CALN1: variants seen among roughly 807,000 people sequenced by gnomAD.
CALN1 encodes the protein calneuron 1.
CALN1 carries 17 observed loss-of-function variants against 30.6 expected under a neutral mutation model. That is an observed-to-expected ratio of 0.56 (90% CI 0.38 to 0.83). The LOEUF (loss-of-function observed/expected upper bound fraction) is 0.83, where lower values mean the gene tolerates loss of function less well. Among genes scored for constraint, CALN1 ranks in the 40% least tolerant of loss-of-function variants. The pLI is 0.00. For missense variants in CALN1, 291 were observed against 354.9 expected (o/e 0.82, Z 1.45); for synonymous variants, 156 against 131.4 (o/e 1.19, Z -1.28).
At chr7:72,324,640 TG>T (rs1450403663) in intron 2 of CALN1, among the ~76,000 whole-genome samples, 2 of 151,882 alleles carry the variant, frequency 1.3e-5, no homozygotes, top group Non-Finnish European at 2.9e-5. Flanking sequence ...TGGAGCTCAA[TG>T]GGGTAACTTG....
chr7:72,184,969 AT>A (rs1248497038), intron 3 of CALN1, among the ~76,000 whole-genome samples: 1 of 151,508 alleles, frequency 6.6e-6, no homozygotes, highest in African/African-American at 2.4e-5. Context: ...TTTTTATTTT[AT>A]TTTAATTTTT....
chr7:71,915,719 C>T (rs1215137136), intron 5 of CALN1, among the ~76,000 whole-genome samples: 4 of 151,126 alleles, frequency 2.6e-5, no homozygotes, highest in Non-Finnish European at 4.4e-5. Flanking sequence ...CGCAACAGAG[C>T]GAGACTCCGT....
intron 4 of CALN1, among the ~76,000 whole-genome samples, chr7:72,101,167 T>C (rs1015286354): frequency 7.9e-5 from 12 of 152,102 alleles, no homozygotes; most frequent in African/African-American, 2.9e-4. Flanking sequence ...GATTTCACTA[T>C]GTTGGTGAGG....
chr7:71,902,814 G>A (rs1793931573), intron 5 of CALN1, among the ~76,000 whole-genome samples: 1 of 152,070 alleles, frequency 6.6e-6, no homozygotes, highest in African/African-American at 2.4e-5. Context: ...ATAAAAGAAT[G>A]AAATAATGTC....
intron 2 of CALN1, among the ~76,000 whole-genome samples, chr7:72,353,970 T>G (rs1803082686): frequency 6.6e-6 from 1 of 152,184 alleles, no homozygotes; most frequent in African/African-American, 2.4e-5. Context: ...GTGGATCACC[T>G]GAAGTCAGAA....
intron 3 of CALN1, among the ~76,000 whole-genome samples, chr7:72,254,263 T>G (rs1457316424): frequency 6.6e-6 from 1 of 152,202 alleles, no homozygotes; most frequent in Admixed American, 6.5e-5. Flanking sequence ...AATGAACAAT[T>G]TTATAGCTGC....
At chr7:72,451,835 TGTG>T (rs1435209409), upstream of CALN1, among the ~76,000 whole-genome samples, 1 of 105,860 alleles carries the variant, frequency 9.4e-6, no homozygotes, top group Non-Finnish European at 2.0e-5. Context: ...TAATTTTAGA[TGTG>T]GTGAATTAAA....
At chr7:72,085,446 C>A (rs762015755) in intron 4 of CALN1, among the ~76,000 whole-genome samples, 1 of 152,006 alleles carries the variant, frequency 6.6e-6, no homozygotes, top group Non-Finnish European at 1.5e-5. Context: ...TTATTGTAAT[C>A]TCTTACTGCA....
At chr7:72,336,555 G>A (rs1028340774) in intron 2 of CALN1, 1 of 381,190 alleles carries the variant, frequency 2.6e-6, no homozygotes, top group Non-Finnish European at 3.6e-6. Flanking sequence ...AGGTACGGGA[G>A]GCGCTGTCTG....
intron 5 of CALN1, among the ~76,000 whole-genome samples, chr7:71,953,640 T>A (rs952213024): frequency 2.0e-5 from 3 of 152,102 alleles, no homozygotes; most frequent in Non-Finnish European, 4.4e-5. Flanking sequence ...GTAAAAGTGT[T>A]TTGAATAATT....
At chr7:72,392,193 G>A (rs1197934516) in intron 2 of CALN1, among the ~76,000 whole-genome samples, 1 of 152,038 alleles carries the variant, frequency 6.6e-6, no homozygotes, top group East Asian at 1.9e-4. Flanking sequence ...TCCCATCCCA[G>A]GCACCTGACA....
intron 3 of CALN1, among the ~76,000 whole-genome samples, chr7:72,254,787 G>T (rs939908954): frequency 7.9e-5 from 12 of 152,106 alleles, no homozygotes; most frequent in African/African-American, 2.9e-4. Context: ...CGCTGAGACA[G>T]AGTCTTGCTT....
At chr7:72,348,219 A>G (rs1802744369) in intron 2 of CALN1, among the ~76,000 whole-genome samples, 3 of 152,220 alleles carry the variant, frequency 2.0e-5, no homozygotes, top group Non-Finnish European at 4.4e-5. Context: ...AAACTAAACA[A>G]ATGTACAAAT....
chr7:72,028,418 C>T (rs935115298), intron 4 of CALN1, among the ~76,000 whole-genome samples: 6 of 152,110 alleles, frequency 3.9e-5, no homozygotes, highest in Non-Finnish European at 8.8e-5. Context: ...AACTACAGAC[C>T]AAAAGCTGAC....
chr7:71,976,206 G>GTAGA (rs1798095513), intron 5 of CALN1, among the ~76,000 whole-genome samples: 1 of 152,084 alleles, frequency 6.6e-6, no homozygotes, highest in South Asian at 2.1e-4. Context: ...ACACATGGGG[G>GTAGA]TAGATCCCAA....
chr7:72,000,981 C>T (rs545612482), intron 5 of CALN1, among the ~76,000 whole-genome samples: 3 of 152,300 alleles, frequency 2.0e-5, no homozygotes, highest in African/African-American at 7.2e-5. Context: ...TCATAGCTAG[C>T]ACCAGGGAAA....
intron 5 of CALN1, among the ~76,000 whole-genome samples, chr7:71,972,715 C>T (rs1234550946): frequency 5.9e-5 from 9 of 152,142 alleles, no homozygotes; most frequent in African/African-American, 2.2e-4. Context: ...CTTTCAGCTT[C>T]GTGCGTGCTT....
chr7:72,179,145 C>T (rs1471730391), intron 3 of CALN1, among the ~76,000 whole-genome samples: 1 of 152,118 alleles, frequency 6.6e-6, no homozygotes, highest in Non-Finnish European at 1.5e-5. Context: ...ATTAGAGATG[C>T]TTTAAATTCA....
At chr7:72,234,112 G>C (rs1195385871) in intron 3 of CALN1, among the ~76,000 whole-genome samples, 1 of 152,194 alleles carries the variant, frequency 6.6e-6, no homozygotes, top group Non-Finnish European at 1.5e-5. Flanking sequence ...CAAGGAAACA[G>C]TAAGGTTGAG....
Sources: allele counts gnomAD v4.1 joint callset (sites outside exome capture counted in the v4.1 genomes callset), GRCh38; gene constraint gnomAD v4.1.1; transcripts MANE v1.5; gene names NCBI Gene and HGNC (gene_info 2026-07-23, HGNC 2026-07-21).